The following CPQ variants were observed in gnomAD, a reference collection of about 807,000 sequenced individuals.
The protein encoded by CPQ is Ser-Met dipeptidase.
A neutral mutation model predicts 45.7 loss-of-function variants in CPQ; 37 were observed. That is an observed-to-expected ratio of 0.81 (90% CI 0.62 to 1.07). The LOEUF (loss-of-function observed/expected upper bound fraction) is 1.07, where lower values mean the gene tolerates loss of function less well. CPQ is among the 50% of genes least tolerant of loss of function. CPQ has a pLI of 0.00. For synonymous variants in CPQ, 186 were observed against 205.8 expected (o/e 0.90, Z 0.82); for missense variants, 537 against 572.9 (o/e 0.94, Z 0.64).
chr8:96,676,398 T>C (rs770619543), intron 1 of CPQ, among the ~76,000 whole-genome samples: 3 of 152,012 alleles, frequency 2.0e-5, no homozygotes, highest in Non-Finnish European at 4.4e-5. Context: ...GGGTTTTCTA[T>C]TCTATTCCAT....
chr8:96,762,084 T>C (rs890166253), intron 1 of CPQ, among the ~76,000 whole-genome samples: 5 of 152,202 alleles, frequency 3.3e-5, no homozygotes, highest in Non-Finnish European at 1.5e-5. Flanking sequence ...CTGCTGTGGC[T>C]TTATAGGAAG....
At chr8:96,907,684 C>T (rs541951670) in intron 4 of CPQ, among the ~76,000 whole-genome samples, 4 of 151,912 alleles carry the variant, frequency 2.6e-5, no homozygotes, top group African/African-American at 9.7e-5. Flanking sequence ...CCTAGCCTCT[C>T]TATGGGCTTA....
At chr8:96,812,710 A>T (rs889654505) in intron 2 of CPQ, among the ~76,000 whole-genome samples, 2 of 152,016 alleles carry the variant, frequency 1.3e-5, no homozygotes, top group Admixed American at 6.6e-5. Flanking sequence ...AAAATCCTGG[A>T]GCGGCAGGCT....
intron 7 of CPQ, among the ~76,000 whole-genome samples, chr8:97,107,660 T>C (rs1586544643): frequency 6.6e-6 from 1 of 151,890 alleles, no homozygotes; most frequent in East Asian, 1.9e-4. Context: ...GCACTTCTCC[T>C]TGGCCTAGCA....
intron 1 of CPQ, among the ~76,000 whole-genome samples, chr8:96,766,787 C>T (rs949989768): frequency 6.6e-6 from 1 of 152,208 alleles, no homozygotes; most frequent in Non-Finnish European, 1.5e-5. Flanking sequence ...AATGGTGTAA[C>T]TGCCTTTAGG....
At chr8:96,743,270 G>C (rs1297818950) in intron 1 of CPQ, among the ~76,000 whole-genome samples, 2 of 151,668 alleles carry the variant, frequency 1.3e-5, no homozygotes, top group Admixed American at 6.6e-5. Flanking sequence ...GATCGCATCG[G>C]CTCCTGAGGC....
chr8:96,943,584 C>G (rs1813150681), intron 4 of CPQ, among the ~76,000 whole-genome samples: 1 of 152,020 alleles, frequency 6.6e-6, no homozygotes, highest in South Asian at 2.1e-4. Flanking sequence ...TGTTGCACAG[C>G]AAGAAAGTAG....
intron 4 of CPQ, among the ~76,000 whole-genome samples, chr8:96,912,052 G>T (rs752758302): frequency 6.6e-6 from 1 of 152,110 alleles, no homozygotes; most frequent in Non-Finnish European, 1.5e-5. Flanking sequence ...ATGAGCTACC[G>T]CATGCAAAGT....
At chr8:96,841,495 C>CT (rs1257024555) in intron 3 of CPQ, among the ~76,000 whole-genome samples, 57 of 152,250 alleles carry the variant, frequency 3.7e-4, no homozygotes, top group African/African-American at 1.3e-3. Context: ...ACATTTTTTC[C>CT]TAGTTATTTT....
intron 1 of CPQ, among the ~76,000 whole-genome samples, chr8:96,779,319 C>T (rs537116309): frequency 6.6e-6 from 1 of 152,074 alleles, no homozygotes; most frequent in Admixed American, 6.6e-5. Flanking sequence ...TCTCATGGTA[C>T]TCTATGCATG....
At chr8:96,968,524 A>G (rs746053564) in intron 5 of CPQ, among the ~76,000 whole-genome samples, 20 of 152,242 alleles carry the variant, frequency 1.3e-4, no homozygotes, top group Non-Finnish European at 2.1e-4. Context: ...GTTCATAATT[A>G]TATTACTTAA....
chr8:96,649,364 G>T (rs892927645), intron 1 of CPQ, among the ~76,000 whole-genome samples: 2 of 152,162 alleles, frequency 1.3e-5, no homozygotes, highest in African/African-American at 4.8e-5. Flanking sequence ...TAATGTTTCA[G>T]AAGAATTGGG....
chr8:96,917,552 C>G (rs940296908), intron 4 of CPQ, among the ~76,000 whole-genome samples: 1 of 152,074 alleles, frequency 6.6e-6, no homozygotes, highest in African/African-American at 2.4e-5. Context: ...GCCATTTCTC[C>G]AAGGAACCCT....
intron 1 of CPQ, among the ~76,000 whole-genome samples, chr8:96,700,260 G>T (rs75301173): frequency 6.6e-6 from 1 of 152,166 alleles, no homozygotes; most frequent in African/African-American, 2.4e-5. Flanking sequence ...ACAATGGACC[G>T]CAGGTAAGAT....
At chr8:96,985,536 T>C (rs1808949385) in intron 5 of CPQ, among the ~76,000 whole-genome samples, 2 of 152,206 alleles carry the variant, frequency 1.3e-5, no homozygotes, top group Non-Finnish European at 2.9e-5. Flanking sequence ...TTTAGCCTGA[T>C]GCTTGGCATC....
At chr8:96,984,628 TACTC>T (rs1813975564) in intron 5 of CPQ, among the ~76,000 whole-genome samples, 1 of 152,200 alleles carries the variant, frequency 6.6e-6, no homozygotes. Flanking sequence ...CTTTATAAAT[TACTC>T]AGTCTCAGGA....
intron 6 of CPQ, chr8:97,056,313 T>A (rs1333482326): frequency 6.6e-6 from 1 of 152,148 alleles, no homozygotes; most frequent in African/African-American, 2.4e-5. Context: ...TTTAAAACCA[T>A]GAGCCTAAAT....
intron 3 of CPQ, among the ~76,000 whole-genome samples, chr8:96,865,778 C>A (rs933376509): frequency 6.6e-6 from 1 of 151,950 alleles, no homozygotes; most frequent in African/African-American, 2.4e-5. Flanking sequence ...TTCATTATCC[C>A]CCATTAACAG....
At chr8:96,861,795 G>A (rs978331977) in intron 3 of CPQ, among the ~76,000 whole-genome samples, 2 of 152,088 alleles carry the variant, frequency 1.3e-5, no homozygotes, top group African/African-American at 4.8e-5. Context: ...GAGAGGCCAG[G>A]CTGGGATAGT....
Sources: gnomAD v4.1 joint callset for allele counts (sites outside exome capture counted in the v4.1 genomes callset) on GRCh38, gnomAD v4.1.1 for gene constraint, MANE v1.5 for transcripts, NCBI Gene and HGNC (gene_info 2026-07-23, HGNC 2026-07-21) for gene names.